Variants in FARS2 observed in about 807,000 individuals in gnomAD.
FARS2 encodes phenylalanine--tRNA ligase, mitochondrial.
A neutral mutation model predicts 46.4 loss-of-function variants in FARS2; 40 were observed. The observed-to-expected ratio is 0.86, with a 90% CI of 0.67 to 1.12. FARS2 has a LOEUF of 1.12. Among genes scored for constraint, FARS2 ranks in the 50% most tolerant of loss-of-function variants. The probability of loss-of-function intolerance (pLI) is 0.00; values close to 1 mark genes in which losing one functional copy is unlikely to be tolerated. For missense variants in FARS2, 513 were observed against 567.9 expected, an observed-to-expected ratio of 0.90 and a Z score of 0.98; for synonymous variants, 234 against 214.9, an observed-to-expected ratio of 1.09 and a Z score of -0.78.
At chr6:5,447,340 G>A (rs1764239124) in intron 4 of FARS2, among the ~76,000 whole-genome samples, 1 of 152,160 alleles carries the variant, frequency 6.6e-6, no homozygotes, top group African/African-American at 2.4e-5. Flanking sequence ...ATGGATTGAA[G>A]GAGCAGATTA....
intron 1 of FARS2, among the ~76,000 whole-genome samples, chr6:5,322,920 T>A (rs1457299778): frequency 6.6e-6 from 1 of 152,202 alleles, no homozygotes; most frequent in Non-Finnish European, 1.5e-5. Flanking sequence ...TATTGATCAA[T>A]GCGTGGATTC....
At chr6:5,287,000 C>CGCCTGTGGAGCACAGAGCATGGCCAAT (rs1767167562) in intron 1 of FARS2, among the ~76,000 whole-genome samples, 1 of 152,216 alleles carries the variant, frequency 6.6e-6, no homozygotes, top group African/African-American at 2.4e-5. Context: ...CAGGCCTGGC[C>CGCCTGTGGAGCACAGAGCATGGCCAAT]GCCTGTGGAG....
chr6:5,264,554 T>A (rs921352328), intron 1 of FARS2, among the ~76,000 whole-genome samples: 1 of 151,270 alleles, frequency 6.6e-6, no homozygotes, highest in African/African-American at 2.4e-5. Context: ...AGTGCAATGG[T>A]GCAATCTCGT....
intron 6 of FARS2, among the ~76,000 whole-genome samples, chr6:5,625,723 A>G (rs1775998443): frequency 6.6e-6 from 1 of 152,214 alleles, no homozygotes; most frequent in Non-Finnish European, 1.5e-5. Flanking sequence ...GGTAAGGCCC[A>G]GTTACAGAGG....
At chr6:5,614,108 G>T (rs1206209796) in intron 6 of FARS2, among the ~76,000 whole-genome samples, 1 of 152,172 alleles carries the variant, frequency 6.6e-6, no homozygotes, top group African/African-American at 2.4e-5. Flanking sequence ...GGCCAGGTGG[G>T]CCTGGAACCT....
chr6:5,445,117 G>A lies in FARS2; in HGVS notation c.904+13945G>A, dbSNP rs569001544. 7.9e-5 allele frequency among the ~76,000 whole-genome samples: 12 copies of A among 152,240 alleles called. 1 individual carries two copies. The South Asian group carries it at 1.9e-3, about 24-fold the overall frequency. ...ATAGCACCACATAGAAAATTGCCTA[G>A]CAGCAGGACTTGGGTGTATATGGTT... is the stretch of plus-strand genomic sequence containing the variant. On this transcript the variant is annotated intron_variant, in intron 4 of 6. Transcript: ENST00000274680.
chr6:5,618,411 T>G (rs903355992), intron 6 of FARS2, among the ~76,000 whole-genome samples: 1 of 152,194 alleles, frequency 6.6e-6, no homozygotes, highest in African/African-American at 2.4e-5. Context: ...TATAGCCTGA[T>G]AGTGCAAAAG....
intron 1 of FARS2, among the ~76,000 whole-genome samples, chr6:5,270,290 A>G (rs1449114329): frequency 6.6e-6 from 1 of 152,210 alleles, no homozygotes; most frequent in Non-Finnish European, 1.5e-5. Context: ...GTGCCTGGGC[A>G]TTCATAACAT....
chr6:5,723,291 C>A lies in FARS2; in HGVS notation c.1218-48000C>A, dbSNP rs536050069. The stretch of plus-strand genomic sequence containing the variant: ...AAACAAAGCTCATATCTATATATTT[C>A]ATTTATTTACATGCCGTTTGATTTC... On this transcript the variant is annotated intron_variant, in intron 6 of 6. Transcript: ENST00000274680. 2.0e-5 allele frequency among the ~76,000 whole-genome samples: 3 copies of A among 152,272 alleles called. No individual in the cohort carries two copies. In the South Asian group the frequency reaches 6.2e-4, roughly 32 times the overall value.
chr6:5,759,234 G>A (rs1207919332), intron 6 of FARS2, among the ~76,000 whole-genome samples: 2 of 152,082 alleles, frequency 1.3e-5, no homozygotes, highest in African/African-American at 2.4e-5. Context: ...TCACTCCATC[G>A]GTTCCTACAT....
At chr6:5,693,580 T>C (rs1390324985) in intron 6 of FARS2, among the ~76,000 whole-genome samples, 1 of 152,248 alleles carries the variant, frequency 6.6e-6, no homozygotes, top group Non-Finnish European at 1.5e-5. Flanking sequence ...GGTTATCTAT[T>C]GCCATGTAAC....
chr6:5,615,138 G>C (rs1280756905), intron 6 of FARS2, among the ~76,000 whole-genome samples: 2 of 152,026 alleles, frequency 1.3e-5, no homozygotes, highest in Non-Finnish European at 2.9e-5. Context: ...AATTGGATTG[G>C]ACTCTTATTT....
At chr6:5,491,984 A>C (rs961819449) in intron 4 of FARS2, among the ~76,000 whole-genome samples, 3 of 152,194 alleles carry the variant, frequency 2.0e-5, no homozygotes, top group African/African-American at 7.2e-5. Context: ...GTATCTAACA[A>C]ATTCAGTAAC....
At chr6:5,545,371 A>G in intron 5 of FARS2, 31 bp downstream of exon 5, 1 of 1,550,166 alleles carries the variant, frequency 6.5e-7, no homozygotes, top group Non-Finnish European at 8.8e-7. Flanking sequence ...TGAATAGATA[A>G]TAATAAAAAT....
intron 4 of FARS2, among the ~76,000 whole-genome samples, chr6:5,465,694 G>A (rs1765475158): frequency 6.6e-6 from 1 of 151,872 alleles, no homozygotes; most frequent in African/African-American, 2.4e-5. Flanking sequence ...TTTGGTATTT[G>A]TCAGAAATTA....
Position 5,614,031 on chromosome 6 carries a change from C to G in FARS2, c.1217+711C>G, listed in dbSNP as rs114885997. Reference sequence around the variant, plus strand: ...GAGATGCAGAAGGCAGCCAAGAACACGGCAGCTCAAGGACCAAGGGGGAGG... The same window carrying G: ...GAGATGCAGAAGGCAGCCAAGAACAGGGCAGCTCAAGGACCAAGGGGGAGG... On this transcript the variant is annotated intron_variant, in intron 6 of 6. Coordinates refer to ENST00000274680, the MANE Select transcript of FARS2 (RefSeq NM_006567.5). 2.4e-3 allele frequency among the ~76,000 whole-genome samples: 366 copies of G among 152,024 alleles called. 4 individuals carry two copies. Among genetic ancestry groups the G allele is most frequent in the African/African-American group, 8.4e-3 (347 of 41,428 alleles).
chr6:5,638,489 CG>C (rs1474456389), intron 6 of FARS2, among the ~76,000 whole-genome samples: 1 of 152,172 alleles, frequency 6.6e-6, no homozygotes, highest in African/African-American at 2.4e-5. Flanking sequence ...CGCTTGAACC[CG>C]GGAGGCAGAG....
intron 4 of FARS2, among the ~76,000 whole-genome samples, chr6:5,544,851 A>G (rs374335552): frequency 1.3e-5 from 2 of 152,168 alleles, no homozygotes; most frequent in East Asian, 1.9e-4. Flanking sequence ...AGTGGGCTAA[A>G]TGTTTGAATC....
intron 1 of FARS2, among the ~76,000 whole-genome samples, chr6:5,283,480 T>C (rs1581688240): frequency 1.4e-5 from 2 of 139,354 alleles, no homozygotes; most frequent in South Asian, 4.5e-4. Flanking sequence ...ACCCAGGAGG[T>C]GGAAGCTGCA....
Sources: allele counts gnomAD v4.1 joint callset (sites outside exome capture counted in the v4.1 genomes callset), GRCh38; gene constraint gnomAD v4.1.1; transcripts MANE v1.5; gene names NCBI Gene and HGNC (gene_info 2026-07-23, HGNC 2026-07-21).